The following TSPAN3 variants were observed in gnomAD, a reference collection of about 807,000 sequenced individuals.
TSPAN3 encodes tetraspanin-3.
Under a neutral mutation model 31.1 loss-of-function variants are expected in TSPAN3, and 9 were observed. The observed-to-expected ratio is 0.29, with a 90% CI of 0.17 to 0.50. The LOEUF (loss-of-function observed/expected upper bound fraction) is 0.50, where lower values mean the gene tolerates loss of function less well. Among genes scored for constraint, TSPAN3 ranks in the 20% least tolerant of loss-of-function variants. The pLI is 0.98. For synonymous variants in TSPAN3, 129 were observed against 114.3 expected, an observed-to-expected ratio of 1.13 and a Z score of -0.82; for missense variants, 252 against 313.5, an observed-to-expected ratio of 0.80 and a Z score of 1.48.
rs772737867 is a variant in TSPAN3 at position 77,055,903 on chromosome 15, A to T, written c.256-40T>A. Reference sequence around the variant, plus strand: ...GGTTTAAAATTATATACAAATGAAAAAATAACTTTAAATACACTCTTGATT... The same window carrying T: ...GGTTTAAAATTATATACAAATGAAATAATAACTTTAAATACACTCTTGATT... On this transcript the variant is annotated intron_variant, in intron 2 of 6. Transcript: ENST00000267970. 13 of 1,560,960 alleles carry T rather than the reference A, an allele frequency of 8.3e-6. No homozygotes were observed. In the Admixed American group the frequency reaches 1.0e-4, roughly 12 times the overall value.
In TSPAN3 at chr15:77,071,024, G is replaced by A. The variant is rs533088582; in HGVS notation, c.-70C>T. The A allele has an allele frequency of 1.3e-5, 15 of 1,179,222 alleles. No individual in the cohort carries two copies. In the South Asian group the frequency reaches 2.3e-4, roughly 18 times the overall value. 73.0% of individuals were successfully genotyped at this position (1,179,222 alleles called of 1,614,324 possible). A position where few individuals can be genotyped will look rare whatever the true frequency, so the allele number is the denominator to read the frequency against. On this transcript the variant is annotated 5_prime_UTR_variant, in exon 1 of 7. Coordinates refer to ENST00000267970, the MANE Select transcript of TSPAN3 (RefSeq NM_005724.6). ...GCTCACCGAGAGAGCGGCAATGGCG[G>A]CGGCGCCTCCTCGCTAGGAACTGCA...
At chr15:77,064,870 G>C (rs573938152) in intron 1 of TSPAN3, 2 of 152,228 alleles carry the variant, frequency 1.3e-5, no homozygotes, top group Non-Finnish European at 1.5e-5. Flanking sequence ...ATCAGATGCA[G>C]GTTCCGGTTT....
chr15:77,049,664 G>T (rs970368181), intron 6 of TSPAN3, among the ~76,000 whole-genome samples: 1 of 151,922 alleles, frequency 6.6e-6, no homozygotes, highest in Non-Finnish European at 1.5e-5. Context: ...TAATTAATTG[G>T]TATTTTTCAG....
intron 6 of TSPAN3, among the ~76,000 whole-genome samples, chr15:77,047,653 G>A (rs2076703417): frequency 6.6e-6 from 1 of 152,150 alleles, no homozygotes; most frequent in Non-Finnish European, 1.5e-5. Flanking sequence ...TTCTGTGGTA[G>A]CATATTGGAA....
chr15:77,061,812 G>A (rs1333596924), intron 1 of TSPAN3, among the ~76,000 whole-genome samples: 2 of 152,206 alleles, frequency 1.3e-5, no homozygotes, highest in Non-Finnish European at 2.9e-5. Flanking sequence ...TTCCCATCTA[G>A]AACTGGCAAG....
intron 1 of TSPAN3, chr15:77,063,523 A>C (rs1268471824): frequency 6.6e-6 from 1 of 152,158 alleles, no homozygotes; most frequent in Non-Finnish European, 1.5e-5. Flanking sequence ...AAGAGTTTAA[A>C]GTTCTGACAA....
Position 77,051,074 on chromosome 15 carries a change from A to AT in TSPAN3, c.669+1310dup, listed in dbSNP as rs950200243. Among the ~76,000 whole-genome samples, 36 of 150,862 alleles carry AT rather than the reference A, an allele frequency of 2.4e-4. No homozygotes were observed. In the East Asian group the frequency reaches 3.1e-3, roughly 13 times the overall value. ...TCTACATTTTTCTTTTTTAAAAAAA[A>AT]TTTTTTTTTTGGTAGAAATGGAGTC... is the stretch of plus-strand genomic sequence containing the variant. On this transcript the variant is annotated intron_variant, in intron 6 of 6. Coordinates refer to ENST00000267970, the MANE Select transcript of TSPAN3 (RefSeq NM_005724.6).
At position 77,043,994 on chromosome 15, in the gene TSPAN3, T is replaced by C. The variant is rs1258766965; in HGVS notation, c.*2841A>G. 1 of 152,192 alleles carries C rather than the reference T, an allele frequency of 6.6e-6. No homozygotes were observed. The highest frequency in any genetic ancestry group is 1.5e-5 in the Non-Finnish European group (1 of 68,032). 9.4% of individuals were successfully genotyped at this position (152,192 alleles called of 1,614,324 possible). A position where few individuals can be genotyped will look rare whatever the true frequency, so the allele number is the denominator to read the frequency against. Reference sequence around the variant, plus strand: ...CAGATAGAATGGGACGAAATGTTAATAGGTGTATCTGGGCAAAGGATATTT... The same window carrying C: ...CAGATAGAATGGGACGAAATGTTAACAGGTGTATCTGGGCAAAGGATATTT... On this transcript the variant is annotated 3_prime_UTR_variant, in exon 7 of 7. Transcript: ENST00000267970.
intron 4 of TSPAN3, 58 bp from the exon 5 acceptor site, chr15:77,052,987 T>TG: frequency 6.6e-7 from 1 of 1,515,974 alleles, no homozygotes; most frequent in Non-Finnish European, 9.0e-7. Flanking sequence ...TGAAGTTCCA[T>TG]GTACTACAGA....
intron 1 of TSPAN3, 27 bp downstream of exon 1, chr15:77,070,865 C>A: frequency 7.7e-7 from 1 of 1,300,566 alleles, no homozygotes; most frequent in South Asian, 2.1e-5. Flanking sequence ...CCGCCGCCGG[C>A]CCCTCGCTCT....
chr15:77,066,878 C>T (rs778860590), intron 1 of TSPAN3, among the ~76,000 whole-genome samples: 2 of 152,060 alleles, frequency 1.3e-5, no homozygotes, highest in Non-Finnish European at 2.9e-5. Context: ...TTTTTACATA[C>T]ATGGAGGCTG....
intron 1 of TSPAN3, among the ~76,000 whole-genome samples, chr15:77,060,215 T>C (rs1303807640): frequency 6.6e-6 from 1 of 152,234 alleles, no homozygotes; most frequent in Non-Finnish European, 1.5e-5. Context: ...AAGAGAAAAC[T>C]GCACGGATTG....
Position 77,044,747 on chromosome 15 carries a change from T to C in TSPAN3, c.*2088A>G, listed in dbSNP as rs1286012896. 4 of 152,208 alleles carry C rather than the reference T, an allele frequency of 2.6e-5. No homozygotes were observed. The highest frequency in any genetic ancestry group is 9.7e-5 in the African/African-American group (4 of 41,414). 9.4% of individuals were successfully genotyped at this position (152,208 alleles called of 1,614,324 possible). On this transcript the variant is annotated 3_prime_UTR_variant, in exon 7 of 7. Transcript: ENST00000267970. ...ACTCTAGAGGCCCTGTTCTGTCCTG[T>C]AGAAAGAGTGGAGAACAACCAACAT...
At chr15:77,055,464 A>G in intron 3 of TSPAN3, 1 of 201,906 alleles carries the variant, frequency 5.0e-6, no homozygotes, top group Non-Finnish European at 1.0e-5. Context: ...GTTCTTCTAA[A>G]GCAGAAATCA....
At chr15:77,058,450 G>A (rs554166733) in intron 1 of TSPAN3, among the ~76,000 whole-genome samples, 2 of 152,314 alleles carry the variant, frequency 1.3e-5, no homozygotes, top group Non-Finnish European at 2.9e-5. Context: ...TTAAGATGAA[G>A]CTTAAATGTT....
Position 77,045,829 on chromosome 15 carries a change from A to G in TSPAN3, c.*1006T>C, listed in dbSNP as rs1217667415. 1 of 152,240 alleles carries G rather than the reference A, an allele frequency of 6.6e-6. No homozygotes were observed. The highest frequency in any genetic ancestry group is 1.5e-5 in the Non-Finnish European group (1 of 68,048). The allele number at this position is 152,240 out of a possible 1,614,324, so 9.4% of individuals were successfully genotyped here. ...CCACTGTATCCCCAGTGCATTGCAC[A>G]AAGTAGAGCTCTATATTTCTAGGAT... is the stretch of plus-strand genomic sequence containing the variant. On this transcript the variant is annotated 3_prime_UTR_variant, in exon 7 of 7. Transcript: ENST00000267970.
At position 77,071,063 on chromosome 15, in the gene TSPAN3, G is replaced by C; in HGVS notation, c.-109C>G. Reference sequence around the variant, plus strand: ...CTAGGAACTGCACGGCCTGCGCGGCGCTCCCCGCAGCCCCTGCGCCGTCGC... The same window carrying C: ...CTAGGAACTGCACGGCCTGCGCGGCCCTCCCCGCAGCCCCTGCGCCGTCGC... On this transcript the variant is annotated 5_prime_UTR_variant, in exon 1 of 7. Transcript: ENST00000267970. 1.4e-6 allele frequency: 1 copy of C among 720,962 alleles called. No homozygotes were observed. The highest frequency in any genetic ancestry group is 1.9e-6 in the Non-Finnish European group (1 of 525,504). The allele number at this position is 720,962 out of a possible 1,614,324, so 44.7% of individuals were successfully genotyped here.
At chr15:77,060,251 T>C (rs998441570) in intron 1 of TSPAN3, among the ~76,000 whole-genome samples, 9 of 152,340 alleles carry the variant, frequency 5.9e-5, no homozygotes, top group African/African-American at 2.2e-4. Flanking sequence ...ACACATCAAA[T>C]TGCTTATAAA....
chr15:77,047,084 C>T (rs968367825), intron 6 of TSPAN3, among the ~76,000 whole-genome samples, 157 bp from the exon 7 acceptor site: 1 of 152,164 alleles, frequency 6.6e-6, no homozygotes, highest in East Asian at 1.9e-4. Context: ...CTTATGAGTA[C>T]ATTATTTTTT....
Sources: allele counts gnomAD v4.1 joint callset (sites outside exome capture counted in the v4.1 genomes callset), GRCh38; gene constraint gnomAD v4.1.1; transcripts MANE v1.5; gene names NCBI Gene and HGNC (gene_info 2026-07-23, HGNC 2026-07-21).